The following SLC66A2 variants were observed in gnomAD, a reference collection of about 807,000 sequenced individuals.
The protein encoded by SLC66A2 is PQ loop repeat containing 1.
SLC66A2 carries 23 observed loss-of-function variants against 25.5 expected under a neutral mutation model. That is an observed-to-expected ratio of 0.90 (90% CI 0.65 to 1.28). The LOEUF (loss-of-function observed/expected upper bound fraction) is 1.28. Ranked by LOEUF, SLC66A2 falls within the 50% of genes most tolerant of loss-of-function variation. The pLI, the probability that SLC66A2 is intolerant of heterozygous loss-of-function variation, is 0.00. For missense variants in SLC66A2, 396 were observed against 373.1 expected, an observed-to-expected ratio of 1.06 and a Z score of -0.51; for synonymous variants, 193 against 166.5, an observed-to-expected ratio of 1.16 and a Z score of -1.23.
chr18:79,918,880 C>A lies in SLC66A2; in HGVS notation c.608+304G>T, dbSNP rs1373576048. ...GCTGGTTGCCCTGCACTCCTCCTGC[C>A]CCGTCTGGCCAGGCACTCGGACATC... On this transcript the variant is annotated intron_variant, in intron 5 of 5. Coordinates refer to ENST00000397778, the MANE Select transcript of SLC66A2 (RefSeq NM_025078.5). This position sits in a 1 kb window ranked among gnomAD's most constrained non-coding sequence, Gnocchi z 4.0. Among the ~76,000 whole-genome samples the A allele has an allele frequency of 1.3e-5, 2 of 152,224 alleles. No homozygotes were observed. Among genetic ancestry groups the A allele is most frequent in the African/African-American group, 4.8e-5 (2 of 41,456 alleles).
rs566390296 is a variant in SLC66A2, at chr18:79,943,653, C to T, written c.204-191G>A. 39 of 599,584 alleles carry T rather than the reference C, an allele frequency of 6.5e-5. No individual in the cohort carries two copies. The Middle Eastern group carries it at 1.4e-3, about 21-fold the overall frequency. The allele number at this position is 599,584 out of a possible 1,614,324, so 37.1% of individuals were successfully genotyped here. A position where few individuals can be genotyped will look rare whatever the true frequency, so the allele number is the denominator to read the frequency against. ...GCCTCTCCCAGTCCCGAACCTGCAG[C>T]GGGAGACACCTGGGTCAGGAGGGAG... On this transcript the variant is annotated intron_variant, in intron 2 of 5. Transcript: ENST00000397778.
At chr18:79,933,348 T>G (rs1986756671) in intron 4 of SLC66A2, among the ~76,000 whole-genome samples, 1 of 152,224 alleles carries the variant, frequency 6.6e-6, no homozygotes, top group African/African-American at 2.4e-5. Context: ...TGATGAAAGA[T>G]GGAATGCTTT....
chr18:79,947,368 C>T (rs1314740970), intron 2 of SLC66A2: 1 of 152,260 alleles, frequency 6.6e-6, no homozygotes, highest in Non-Finnish European at 1.5e-5. Context: ...CATGAGTGAC[C>T]TATGTTTCAG....
Position 79,935,140 on chromosome 18 carries a change from G to A in SLC66A2, c.338-1118C>T, listed in dbSNP as rs1337992783. ...GACCAAGATCCTCAAGGGGTGGGAG[G>A]GAGGGACCACCCAAGGCAGGACTGC... On this transcript the variant is annotated intron_variant, in intron 3 of 5. Coordinates refer to ENST00000397778, the MANE Select transcript of SLC66A2 (RefSeq NM_025078.5). Among the ~76,000 whole-genome samples, 3 of 152,088 alleles carry A rather than the reference G, an allele frequency of 2.0e-5. No homozygotes were observed. In the East Asian group the frequency reaches 5.8e-4, roughly 30 times the overall value.
intron 4 of SLC66A2, among the ~76,000 whole-genome samples, chr18:79,923,931 G>A (rs1985598789): frequency 6.6e-6 from 1 of 151,956 alleles, no homozygotes; most frequent in Non-Finnish European, 1.5e-5. Context: ...CAGCTACTTG[G>A]GAGGCCGAAG....
chr18:79,913,975 C>T (rs1983611655), intron 5 of SLC66A2, among the ~76,000 whole-genome samples: 2 of 152,176 alleles, frequency 1.3e-5, no homozygotes, highest in Admixed American at 6.5e-5. Flanking sequence ...GTGGCGCGAT[C>T]TTGGCTCACT....
At chr18:79,911,095 G>C (rs1372053367) in intron 5 of SLC66A2, among the ~76,000 whole-genome samples, 1 of 152,254 alleles carries the variant, frequency 6.6e-6, no homozygotes, top group Middle Eastern at 3.2e-3. Context: ...CAGGAAGGAA[G>C]AGCAGAGCCT....
rs996533210 is a variant in SLC66A2 at position 79,917,321 on chromosome 18, C to A, written c.608+1863G>T. Among the ~76,000 whole-genome samples the A allele has an allele frequency of 5.9e-5, 9 of 152,242 alleles. No homozygotes were observed. Among genetic ancestry groups the A allele is most frequent in the Non-Finnish European group, 1.3e-4 (9 of 68,030 alleles). On this transcript the variant is annotated intron_variant, in intron 5 of 5. Transcript: ENST00000397778. This position sits in a 1 kb window ranked among gnomAD's most constrained non-coding sequence, Gnocchi z 6.0. ...AAACCTGCTACCCTGGAATCGAGAG[C>A]AACAGCTCCTGCCAAGCCTGGGGCC...
intron 4 of SLC66A2, among the ~76,000 whole-genome samples, chr18:79,923,054 G>A (rs1430657970): frequency 6.6e-6 from 1 of 151,798 alleles, no homozygotes; most frequent in East Asian, 1.9e-4. Context: ...CATCCGAGCT[G>A]GAAAGGGGCT....
At position 79,918,068 on chromosome 18, in the gene SLC66A2, C is replaced by G. The variant is rs1984443208; in HGVS notation, c.608+1116G>C. 6.6e-6 allele frequency among the ~76,000 whole-genome samples: 1 copy of G among 152,078 alleles called. No individual in the cohort carries two copies. The highest frequency in any genetic ancestry group is 6.5e-5 in the Admixed American group (1 of 15,272). ...CTACATCTCACCCCCTACCACCACC[C>G]CACACCTACGACAAGCCCTCCTACC... On this transcript the variant is annotated intron_variant, in intron 5 of 5. Transcript: ENST00000397778. The surrounding 1 kb of genome is among the most constrained non-coding windows in gnomAD (Gnocchi z 4.0).
At chr18:79,943,197 G>C in intron 3 of SLC66A2, 132 bp downstream of exon 3, 1 of 1,095,974 alleles carries the variant, frequency 9.1e-7, no homozygotes, top group Admixed American at 2.4e-5. Flanking sequence ...AACACTATCA[G>C]CTGGAGATAA....
chr18:79,932,536 C>T (rs1403841358), intron 4 of SLC66A2, among the ~76,000 whole-genome samples: 2 of 151,748 alleles, frequency 1.3e-5, no homozygotes, highest in Non-Finnish European at 2.9e-5. Context: ...GGTTATTTGA[C>T]CAGAACAAAA....
intron 2 of SLC66A2, among the ~76,000 whole-genome samples, chr18:79,950,033 G>A (rs990651235): frequency 2.6e-5 from 4 of 152,012 alleles, no homozygotes; most frequent in Non-Finnish European, 5.9e-5. Context: ...AGTCTCCAGA[G>A]AGAGTGACTT....
intron 5 of SLC66A2, among the ~76,000 whole-genome samples, chr18:79,908,372 G>A (rs1982442362): frequency 6.6e-6 from 1 of 151,618 alleles, no homozygotes; most frequent in African/African-American, 2.4e-5. Flanking sequence ...TTTTCTTGCA[G>A]CATCTGAAAA....
At chr18:79,931,611 T>C (rs1986576527) in intron 4 of SLC66A2, among the ~76,000 whole-genome samples, 1 of 152,204 alleles carries the variant, frequency 6.6e-6, no homozygotes, top group Non-Finnish European at 1.5e-5. Context: ...ATCATAGACT[T>C]GACCTAACAG....
intron 5 of SLC66A2, among the ~76,000 whole-genome samples, chr18:79,916,460 G>C (rs866373281): frequency 2.6e-5 from 4 of 152,218 alleles, no homozygotes; most frequent in Admixed American, 2.6e-4. Context: ...GGGTCCTGCC[G>C]ACATCCTGGA....
chr18:79,906,960 C>T (rs891929560), intron 5 of SLC66A2, among the ~76,000 whole-genome samples: 6 of 152,226 alleles, frequency 3.9e-5, no homozygotes, highest in African/African-American at 1.4e-4. Context: ...GATATTAATA[C>T]AGCGACTCCA....
At chr18:79,934,896 C>T (rs1241509104) in intron 3 of SLC66A2, among the ~76,000 whole-genome samples, 1 of 152,212 alleles carries the variant, frequency 6.6e-6, no homozygotes, top group Admixed American at 6.5e-5. Context: ...CTGCCCTCTG[C>T]TACTTGGACT....
chr18:79,925,954 T>C (rs981775434), intron 4 of SLC66A2, among the ~76,000 whole-genome samples: 1 of 152,140 alleles, frequency 6.6e-6, no homozygotes, highest in African/African-American at 2.4e-5. Flanking sequence ...ATACAGGTCA[T>C]AAAGACCTTG....
Sources: allele counts gnomAD v4.1 joint callset (sites outside exome capture counted in the v4.1 genomes callset), GRCh38; gene constraint gnomAD v4.1.1; non-coding constraint Gnocchi (gnomAD v3.1); transcripts MANE v1.5; gene names NCBI Gene and HGNC (gene_info 2026-07-23, HGNC 2026-07-21).